ZDHHC7: variants seen among roughly 807,000 people sequenced by gnomAD.
The protein encoded by ZDHHC7 is palmitoyltransferase ZDHHC7.
A neutral mutation model predicts 34.1 loss-of-function variants in ZDHHC7; 12 were observed. The observed-to-expected ratio is 0.35, with a 90% confidence interval of 0.23 to 0.57. The LOEUF (loss-of-function observed/expected upper bound fraction) is 0.57, where lower values mean the gene tolerates loss of function less well. Ranked by LOEUF, ZDHHC7 falls within the 20% of genes least tolerant of loss-of-function variation. The probability of loss-of-function intolerance (pLI) is 0.84; values close to 1 mark genes in which losing one functional copy is unlikely to be tolerated. For missense variants in ZDHHC7, 388 were observed against 402.7 expected (o/e 0.96, Z 0.31); for synonymous variants, 185 against 155.4 (o/e 1.19, Z -1.42).
At chr16:85,000,856 T>C (rs974934576) in intron 1 of ZDHHC7, among the ~76,000 whole-genome samples, 1 of 152,158 alleles carries the variant, frequency 6.6e-6, no homozygotes. Flanking sequence ...ATGTGCAAAG[T>C]GCTTTCCCCA....
At chr16:84,992,289 GA>G (rs1215233883) in intron 2 of ZDHHC7, among the ~76,000 whole-genome samples, 1 of 151,490 alleles carries the variant, frequency 6.6e-6, no homozygotes, top group Non-Finnish European at 1.5e-5. Flanking sequence ...CCAAGCTGGT[GA>G]AACCCGTCTC....
In ZDHHC7 at chr16:84,988,829, A is replaced by C. The variant is rs539054459; in HGVS notation, c.315+1475T>G. The stretch of plus-strand genomic sequence containing the variant: ...TGCCCACAAGGGTTGGGTCCAGCCC[A>C]GTTTTCACTGTGCAGGCAGATGGTC... On this transcript the variant is annotated intron_variant, in intron 3 of 7. Coordinates refer to ENST00000313732, the MANE Select transcript of ZDHHC7 (RefSeq NM_017740.3). The C allele has an allele frequency of 1.2e-4, 192 of 1,551,800 alleles. No individual in the cohort carries two copies. In the Middle Eastern group the frequency reaches 2.8e-3, roughly 23 times the overall value.
intron 5 of ZDHHC7, among the ~76,000 whole-genome samples, chr16:84,978,643 G>A (rs1255054128): frequency 1.5e-4 from 23 of 152,004 alleles, no homozygotes; most frequent in African/African-American, 5.3e-4. Flanking sequence ...TGGGCGGATC[G>A]CCTGAGGTCG....
chr16:84,995,380 C>T (rs1219239321), intron 2 of ZDHHC7, among the ~76,000 whole-genome samples: 1 of 152,238 alleles, frequency 6.6e-6, no homozygotes, highest in Non-Finnish European at 1.5e-5. Flanking sequence ...AATCCCAGCA[C>T]TTTGGGAGGC....
chr16:85,001,781 G>T (rs907335171), intron 1 of ZDHHC7, among the ~76,000 whole-genome samples: 2 of 152,116 alleles, frequency 1.3e-5, no homozygotes, highest in Non-Finnish European at 2.9e-5. Context: ...CTTGCTAGTT[G>T]CCCAGGCTGC....
intron 2 of ZDHHC7, among the ~76,000 whole-genome samples, chr16:84,995,347 C>T (rs576247542): frequency 6.6e-6 from 1 of 152,302 alleles, no homozygotes; most frequent in African/African-American, 2.4e-5. Flanking sequence ...CGTTTCAGGC[C>T]GGGCACAGTG....
intron 1 of ZDHHC7, among the ~76,000 whole-genome samples, chr16:85,010,820 A>AT (rs2072781264): frequency 6.6e-6 from 1 of 152,238 alleles, no homozygotes; most frequent in Non-Finnish European, 1.5e-5. Flanking sequence ...AGGAGGGAAG[A>AT]TAACTAGGAA....
At chr16:85,007,611 G>A (rs1475561035) in intron 1 of ZDHHC7, among the ~76,000 whole-genome samples, 1 of 151,848 alleles carries the variant, frequency 6.6e-6, no homozygotes, top group African/African-American at 2.4e-5. Context: ...AGACACAAGC[G>A]TTAACATCAG....
chr16:85,018,494 C>G, the ZDHHC7 span, among the ~76,000 whole-genome samples: 1 of 151,104 alleles, frequency 6.6e-6, no homozygotes, highest in Non-Finnish European at 1.5e-5. Flanking sequence ...GTTGCCCAGG[C>G]TAGAGTGCAA....
intron 3 of ZDHHC7, chr16:84,988,621 G>A: frequency 1.4e-6 from 1 of 726,824 alleles, no homozygotes; most frequent in Non-Finnish European, 2.3e-6. Flanking sequence ...AGCGGGGTGG[G>A]AGCAGAAGCT....
intron 1 of ZDHHC7, among the ~76,000 whole-genome samples, chr16:85,005,233 C>A (rs1261286561): frequency 2.0e-5 from 3 of 152,208 alleles, no homozygotes; most frequent in Non-Finnish European, 4.4e-5. Flanking sequence ...AACCTCCTTC[C>A]CTGTCTTCCT....
rs201546809 is a variant in ZDHHC7 at position 84,976,509 on chromosome 16, C to A, written c.761G>T (p.Arg254Leu). The A allele has an allele frequency of 1.2e-6, 2 of 1,613,344 alleles. No individual in the cohort carries two copies. Among genetic ancestry groups the A allele is most frequent in the Non-Finnish European group, 8.5e-7 (1 of 1,179,968 alleles). The change falls in exon 8 of 8, where the codon CGA (arginine) becomes CTA (leucine). Residue 254 changes from arginine to leucine, a missense_variant. Coordinates refer to ENST00000313732, the MANE Select transcript of ZDHHC7 (RefSeq NM_017740.3). ...CCATGTGGGCTTCTCACTTTTCAAT[C>A]GCTCGATCTCCTGGAAGCAGAAAGA... ...SICNDETEIE[R>L]LKSEKPTWER...
the ZDHHC7 span, among the ~76,000 whole-genome samples, chr16:85,024,172 C>T: frequency 1.3e-4 from 19 of 150,414 alleles, no homozygotes; most frequent in Non-Finnish European, 2.4e-4. Flanking sequence ...CCCGCCTTGG[C>T]TTCCCAAAGT....
intron 3 of ZDHHC7, among the ~76,000 whole-genome samples, chr16:84,987,016 C>T (rs892600165): frequency 1.3e-5 from 2 of 152,228 alleles, no homozygotes; most frequent in Admixed American, 1.3e-4. Context: ...GACTGCCACT[C>T]CACCTGCTCT....
Position 84,976,443 on chromosome 16 carries a change from C to T in ZDHHC7, c.827G>A (p.Gly276Glu). Reference protein sequence around the residue: ...LRWEGMKSVFGGPPSLLWMNP... With the variant: ...LRWEGMKSVFEGPPSLLWMNP... ...CATCCAGAGGAGTGAGGGGGGCCCC[C>T]CAAAGACGGACTTCATCCCTTCCCA... is the stretch of plus-strand genomic sequence containing the variant. The change falls in exon 8 of 8, where the codon GGG becomes GAG. Residue 276 changes from glycine to glutamate, a missense_variant. Physicochemically the swap from Gly to Glu is moderately conservative, Grantham distance 98. Transcript: ENST00000313732. The T allele has an allele frequency of 1.2e-6, 2 of 1,614,118 alleles. No homozygotes were observed. Among genetic ancestry groups the T allele is most frequent in the Non-Finnish European group, 1.7e-6 (2 of 1,180,020 alleles).
At chr16:84,983,502 AG>A (rs1221831306) in intron 3 of ZDHHC7, among the ~76,000 whole-genome samples, 1 of 152,286 alleles carries the variant, frequency 6.6e-6, no homozygotes, top group African/African-American at 2.4e-5. Flanking sequence ...CAGCACAGGC[AG>A]GGGGGCCCCA....
chr16:85,004,538 C>T (rs2143734769), intron 1 of ZDHHC7, among the ~76,000 whole-genome samples: 1 of 152,000 alleles, frequency 6.6e-6, no homozygotes, highest in East Asian at 1.9e-4. Flanking sequence ...CCACCCCACC[C>T]CCCACTCCAC....
At chr16:84,996,281 A>G (rs146900577) in intron 1 of ZDHHC7, among the ~76,000 whole-genome samples, 1 of 152,310 alleles carries the variant, frequency 6.6e-6, no homozygotes, top group Non-Finnish European at 1.5e-5. Flanking sequence ...ATAAGCTAAA[A>G]TCCCTCCAGA....
chr16:84,996,795 G>T (rs1204110451), intron 1 of ZDHHC7, among the ~76,000 whole-genome samples: 1 of 152,254 alleles, frequency 6.6e-6, no homozygotes, highest in East Asian at 1.9e-4. Context: ...TTGGGAGGCT[G>T]AGGCGGGTGG....
Sources: gnomAD v4.1 joint callset for allele counts (sites outside exome capture counted in the v4.1 genomes callset) on GRCh38, gnomAD v4.1.1 for gene constraint, MANE v1.5 for transcripts, NCBI Gene and HGNC (gene_info 2026-07-23, HGNC 2026-07-21) for gene names.